The following EXOC6 variants were observed in gnomAD, a reference collection of about 807,000 sequenced individuals.
EXOC6 encodes SEC15-like 1.
Under a neutral mutation model 112.5 loss-of-function variants are expected in EXOC6, and 60 were observed. The observed-to-expected ratio is 0.53, with a 90% CI of 0.43 to 0.66. The LOEUF (loss-of-function observed/expected upper bound fraction) is 0.66, where lower values mean the gene tolerates loss of function less well. Among genes scored for constraint, EXOC6 ranks in the 30% least tolerant of loss-of-function variants. EXOC6 has a pLI of 0.00. For missense variants in EXOC6, 855 were observed against 957.1 expected, an observed-to-expected ratio of 0.89 and a Z score of 1.41; for synonymous variants, 295 against 308.0, an observed-to-expected ratio of 0.96 and a Z score of 0.44.
At chr10:92,968,095 G>A (rs1371227676) in intron 17 of EXOC6, among the ~76,000 whole-genome samples, 2 of 151,394 alleles carry the variant, frequency 1.3e-5, no homozygotes, top group Admixed American at 6.6e-5. Flanking sequence ...TGCCCCTAAT[G>A]TTAATGAAGT....
intron 13 of EXOC6, among the ~76,000 whole-genome samples, chr10:92,947,413 A>G (rs147240972): frequency 6.6e-6 from 1 of 152,356 alleles, no homozygotes; most frequent in African/African-American, 2.4e-5. Flanking sequence ...GCCTAACTGC[A>G]AGGGGGTGTA....
intron 17 of EXOC6, among the ~76,000 whole-genome samples, chr10:92,963,532 AT>A (rs5787026): frequency 0.019 from 2,701 of 141,288 alleles, 50 homozygotes; most frequent in African/African-American, 0.052. Context: ...ATAAAGAGCA[AT>A]TTTTTTTTTT....
At chr10:92,852,231 T>C (rs757318058) in intron 1 of EXOC6, among the ~76,000 whole-genome samples, 19 of 152,216 alleles carry the variant, frequency 1.2e-4, no homozygotes, top group Non-Finnish European at 2.2e-4. Flanking sequence ...TTTGCTGTTA[T>C]AAGCCTTCCC....
chr10:92,986,838 A>T (rs2134140515), intron 18 of EXOC6, among the ~76,000 whole-genome samples: 1 of 152,240 alleles, frequency 6.6e-6, no homozygotes, highest in Middle Eastern at 3.4e-3. Flanking sequence ...GTTTTTAAGG[A>T]ATAAGCCAGT....
chr10:92,846,522 G>C (rs1005594170), upstream of EXOC6, among the ~76,000 whole-genome samples: 3 of 152,058 alleles, frequency 2.0e-5, no homozygotes, highest in African/African-American at 7.3e-5. Flanking sequence ...ATAACCTTTT[G>C]AAAATTGAAA....
intron 18 of EXOC6, among the ~76,000 whole-genome samples, chr10:92,975,280 C>A (rs540514071): frequency 1.3e-4 from 19 of 151,262 alleles, no homozygotes; most frequent in Non-Finnish European, 1.8e-4. Context: ...AGGTGAGGAG[C>A]GTCTCTGCTC....
intron 1 of EXOC6, among the ~76,000 whole-genome samples, chr10:92,893,020 GTTCA>G (rs1274685637): frequency 6.6e-6 from 1 of 152,144 alleles, no homozygotes; most frequent in Non-Finnish European, 1.5e-5. Context: ...TCATGAGTTT[GTTCA>G]TTCATTCTTT....
At chr10:92,883,704 G>A (rs867135059) in intron 1 of EXOC6, among the ~76,000 whole-genome samples, 60 of 152,256 alleles carry the variant, frequency 3.9e-4, no homozygotes, top group Non-Finnish European at 1.5e-4. Context: ...GCAGAAGAGT[G>A]TGAAAGCAAT....
rs78915601 is a variant in EXOC6, at chr10:92,985,243, C to A, written c.1953+11011C>A. On this transcript the variant is annotated intron_variant, in intron 18 of 21. Transcript: ENST00000260762. ...TCATTGGTACAATTGTTTCAGAAAT[C>A]TTCAGTTATTTTCCCTGTTTTCCAT... Among the ~76,000 whole-genome samples, 339 of 152,154 alleles carry A rather than the reference C, an allele frequency of 2.2e-3. 1 individual carries two copies. Among genetic ancestry groups the A allele is most frequent in the African/African-American group, 7.5e-3 (312 of 41,502 alleles).
chr10:92,860,200 A>T (rs1016062227), intron 1 of EXOC6, among the ~76,000 whole-genome samples: 1 of 151,618 alleles, frequency 6.6e-6, no homozygotes, highest in African/African-American at 2.4e-5. Flanking sequence ...ATTTCTACAT[A>T]TAAAGTTATT....
chr10:92,986,430 CT>C (rs1843011991), intron 18 of EXOC6, among the ~76,000 whole-genome samples: 1 of 151,994 alleles, frequency 6.6e-6, no homozygotes, highest in Non-Finnish European at 1.5e-5. Context: ...GTTAACACAA[CT>C]GCTGTCCCAC....
chr10:92,891,411 T>TA (rs1433140676), intron 1 of EXOC6, among the ~76,000 whole-genome samples: 1 of 152,174 alleles, frequency 6.6e-6, no homozygotes, highest in Non-Finnish European at 1.5e-5. Context: ...CTACATTTTT[T>TA]AAAAAATTAA....
intron 20 of EXOC6, among the ~76,000 whole-genome samples, chr10:93,045,556 A>C (rs1344112467): frequency 6.6e-6 from 1 of 152,200 alleles, no homozygotes; most frequent in African/African-American, 2.4e-5. Context: ...TTCATTGGCT[A>C]ATTCATATTG....
At chr10:92,975,954 T>A (rs1237070656) in intron 18 of EXOC6, among the ~76,000 whole-genome samples, 2 of 117,856 alleles carry the variant, frequency 1.7e-5, no homozygotes, top group African/African-American at 3.2e-5. Flanking sequence ...AGCCGCCCCG[T>A]CCGGTAGGTG....
chr10:92,912,158 C>T (rs890674760), intron 6 of EXOC6, among the ~76,000 whole-genome samples: 4 of 151,570 alleles, frequency 2.6e-5, no homozygotes, highest in Non-Finnish European at 5.9e-5. Context: ...ATCCCTTTTA[C>T]GGATGGATGG....
At chr10:93,051,638 T>C (rs1830958676) in intron 20 of EXOC6, among the ~76,000 whole-genome samples, 1 of 152,244 alleles carries the variant, frequency 6.6e-6, no homozygotes, top group Admixed American at 6.5e-5. Context: ...AAAAATCATA[T>C]GGAGCTCATC....
chr10:93,038,040 CAAAAAAAAAA>C (rs1156726278), intron 20 of EXOC6, among the ~76,000 whole-genome samples: 1 of 26,580 alleles, frequency 3.8e-5, no homozygotes, highest in Non-Finnish European at 6.8e-5. Context: ...ACTCCGTCTC[CAAAAAAAAAA>C]AAAAAAAAAA....
At chr10:92,836,628 C>A (rs995193407) in intron 1 of EXOC6, among the ~76,000 whole-genome samples, 3 of 152,150 alleles carry the variant, frequency 2.0e-5, no homozygotes, top group Non-Finnish European at 2.9e-5. Flanking sequence ...CCCTAACAAG[C>A]CTTTATCTGG....
chr10:92,836,075 T>C (rs912077294), intron 1 of EXOC6, among the ~76,000 whole-genome samples: 2 of 152,214 alleles, frequency 1.3e-5, no homozygotes, highest in African/African-American at 2.4e-5. Flanking sequence ...AAGTGCTAGA[T>C]GCTAGGTGGC....
Sources: gnomAD v4.1 joint callset for allele counts (sites outside exome capture counted in the v4.1 genomes callset) on GRCh38, gnomAD v4.1.1 for gene constraint, MANE v1.5 for transcripts, NCBI Gene and HGNC (gene_info 2026-07-23, HGNC 2026-07-21) for gene names.